Variants in HMGB1 observed in about 807,000 individuals in gnomAD.
The protein encoded by HMGB1 is high mobility group box 1, also known as high mobility group protein B1.
For synonymous variants in HMGB1, 81 were observed against 84.0 expected, an observed-to-expected ratio of 0.96 and a Z score of 0.19; for missense variants, 79 against 253.5, an observed-to-expected ratio of 0.31 and a Z score of 4.67.
At position 30,554,142 on chromosome 13, in the gene HMGB1, T is replaced by G. The variant is rs1869565117; in HGVS notation, c.-15+62529A>C. On this transcript the variant is annotated intron_variant, in intron 1 of 4. Transcript: ENST00000405805. ...GTGAAGTCATATTACACAGTACATCTACTACGATTAGAAAATATCAATAGT... is the reference window on the plus strand; with the variant it reads ...GTGAAGTCATATTACACAGTACATCGACTACGATTAGAAAATATCAATAGT... The G allele has an allele frequency of 3.1e-6, 4 of 1,277,606 alleles. No homozygotes were observed. The Admixed American group carries it at 6.7e-5, about 22-fold the overall frequency. 79.1% of individuals were successfully genotyped at this position (1,277,606 alleles called of 1,614,324 possible).
At chr13:30,496,899 C>G (rs968907069) in intron 1 of HMGB1, among the ~76,000 whole-genome samples, 1 of 152,044 alleles carries the variant, frequency 6.6e-6, no homozygotes, top group Non-Finnish European at 1.5e-5. Context: ...CCACACACAC[C>G]GCCCACCAAT....
chr13:30,506,891 G>A (rs574923834), intron 1 of HMGB1, among the ~76,000 whole-genome samples: 4 of 152,058 alleles, frequency 2.6e-5, no homozygotes, highest in Non-Finnish European at 5.9e-5. Context: ...TAGTTCTCAT[G>A]GTGCTCACTC....
intron 1 of HMGB1, among the ~76,000 whole-genome samples, chr13:30,549,768 A>G (rs1869337575): frequency 6.6e-6 from 1 of 150,570 alleles, no homozygotes; most frequent in South Asian, 2.1e-4. Context: ...CCAGGCTGGA[A>G]TGCAGTGGCA....
chr13:30,463,086 G>A lies in HMGB1; in HGVS notation c.296+121C>T, dbSNP rs1443575420. On this transcript the variant is annotated intron_variant, in intron 3 of 4. Transcript: ENST00000341423. ...ATTTAAATATAACCAATATGAACAA[G>A]TATTAGCTAAGAAACTTTGATTGTA... The A allele has an allele frequency of 4.1e-6, 4 of 976,460 alleles. No homozygotes were observed. The South Asian group carries it at 4.3e-5, about 11-fold the overall frequency. The allele number at this position is 976,460 out of a possible 1,614,324, so 60.5% of individuals were successfully genotyped here.
intron 1 of HMGB1, among the ~76,000 whole-genome samples, chr13:30,557,881 A>G (rs186770003): frequency 7.2e-5 from 11 of 152,276 alleles, no homozygotes; most frequent in Non-Finnish European, 1.3e-4. Context: ...CTTGAACCTC[A>G]TGTCTATCAA....
At chr13:30,522,023 G>A (rs1396081565) in intron 1 of HMGB1, among the ~76,000 whole-genome samples, 3 of 151,372 alleles carry the variant, frequency 2.0e-5, no homozygotes, top group Non-Finnish European at 2.9e-5. Flanking sequence ...CTTATACACA[G>A]TCAATGAAAC....
chr13:30,569,376 A>T (rs1255630386), intron 1 of HMGB1, among the ~76,000 whole-genome samples: 3 of 152,108 alleles, frequency 2.0e-5, no homozygotes, highest in South Asian at 2.1e-4. Flanking sequence ...AAAAAAGTGA[A>T]TTTTTGTGGG....
chr13:30,511,764 T>G (rs989473533), intron 1 of HMGB1, among the ~76,000 whole-genome samples: 1 of 152,196 alleles, frequency 6.6e-6, no homozygotes, highest in Non-Finnish European at 1.5e-5. Context: ...CTCCTTACTC[T>G]AGTGCAGTTT....
intron 1 of HMGB1, among the ~76,000 whole-genome samples, chr13:30,493,398 C>T (rs997862750): frequency 6.6e-6 from 1 of 152,148 alleles, no homozygotes; most frequent in African/African-American, 2.4e-5. Context: ...GCAGAAAGCT[C>T]AGTTGTTTTC....
intron 1 of HMGB1, among the ~76,000 whole-genome samples, chr13:30,513,471 T>C (rs1487053023): frequency 6.6e-6 from 1 of 152,214 alleles, no homozygotes; most frequent in African/African-American, 2.4e-5. Flanking sequence ...TATGGCACGA[T>C]CTGTATCTTC....
At chr13:30,473,813 C>T (rs1277919783) in intron 1 of HMGB1, among the ~76,000 whole-genome samples, 2 of 152,214 alleles carry the variant, frequency 1.3e-5, no homozygotes, top group African/African-American at 4.8e-5. Flanking sequence ...ATCTTCATAG[C>T]AGCAGCATTT....
intron 1 of HMGB1, among the ~76,000 whole-genome samples, chr13:30,510,793 AT>A (rs1350823955): frequency 6.6e-6 from 1 of 152,224 alleles, no homozygotes; most frequent in Non-Finnish European, 1.5e-5. Context: ...AATCTTGGGC[AT>A]ATAGTAAGTG....
chr13:30,596,065 T>G (rs918782512), intron 1 of HMGB1, among the ~76,000 whole-genome samples: 1 of 152,160 alleles, frequency 6.6e-6, no homozygotes, highest in Non-Finnish European at 1.5e-5. Context: ...GAAGGTGCAA[T>G]TAAACTCAAT....
At chr13:30,604,687 T>C (rs1292520980) in intron 1 of HMGB1, among the ~76,000 whole-genome samples, 3 of 152,244 alleles carry the variant, frequency 2.0e-5, no homozygotes, top group Non-Finnish European at 4.4e-5. Context: ...AGACGGAGTC[T>C]CGCTCTGTCG....
chr13:30,508,460 C>T (rs1295481968), intron 1 of HMGB1, among the ~76,000 whole-genome samples: 13 of 151,972 alleles, frequency 8.6e-5, no homozygotes, highest in Non-Finnish European at 1.9e-4. Flanking sequence ...TGCAGTGAGC[C>T]AAGATCACAC....
intron 1 of HMGB1, chr13:30,553,877 T>G: frequency 7.5e-7 from 1 of 1,332,714 alleles, no homozygotes; most frequent in African/African-American, 1.4e-5. Flanking sequence ...ATGATTATAT[T>G]AATGCCAGCT....
intron 1 of HMGB1, among the ~76,000 whole-genome samples, chr13:30,608,396 G>C (rs556572862): frequency 4.6e-5 from 7 of 152,134 alleles, no homozygotes; most frequent in African/African-American, 1.7e-4. Context: ...GCAACCCGAT[G>C]CAAAGTACTA....
chr13:30,547,777 C>T (rs1340749025), intron 1 of HMGB1, among the ~76,000 whole-genome samples: 5 of 152,012 alleles, frequency 3.3e-5, no homozygotes, highest in Non-Finnish European at 5.9e-5. Flanking sequence ...ATCAGCCAGG[C>T]GTGGTGGCAC....
chr13:30,495,616 C>T (rs1436537295), intron 1 of HMGB1, among the ~76,000 whole-genome samples: 2 of 152,122 alleles, frequency 1.3e-5, no homozygotes, highest in South Asian at 2.1e-4. Flanking sequence ...ATAGTTGGGA[C>T]TACAGGCGCG....
Sources: gnomAD v4.1 joint callset for allele counts (sites outside exome capture counted in the v4.1 genomes callset) on GRCh38, gnomAD v4.1.1 for gene constraint, MANE v1.5 for transcripts, NCBI Gene and HGNC (gene_info 2026-07-23, HGNC 2026-07-21) for gene names.